OTOGL: variants seen among roughly 807,000 people sequenced by gnomAD.
The protein encoded by OTOGL is otogelin-like protein.
In OTOGL, 285 loss-of-function variants were observed where a neutral mutation model predicts 318.5. That is an observed-to-expected ratio of 0.89 (90% CI 0.81 to 0.99). The LOEUF (loss-of-function observed/expected upper bound fraction) is 0.99, where lower values mean the gene tolerates loss of function less well. Ranked by LOEUF, OTOGL falls within the 50% of genes least tolerant of loss-of-function variation. The pLI is 0.00. For missense variants in OTOGL, 2,899 were observed against 2,845.6 expected (o/e 1.02, Z -0.43); for synonymous variants, 987 against 936.5 (o/e 1.05, Z -0.99).
chr12:80,310,680 G>A lies in OTOGL; in HGVS notation c.3403G>A (p.Glu1135Lys). ...AAACAAATTTCCTTATGCCAAGAAA[G>A]AATGCTCCATTTTGTACAGTGATAT... ...HQNKFPYAKK[E>K]CSILYSDIFA... Residue 1135 changes from glutamate to lysine, a missense_variant, in exon 30 of 59, where the codon GAA (glutamate) becomes AAA (lysine). Glu to Lys is a moderately conservative substitution (Grantham distance 56). Around this residue, in one of 3 missense-constraint regions of OTOGL, gnomAD observed 2,607 missense variants for 2,524.9 expected, o/e 1.03. Transcript: ENST00000547103. The A allele has an allele frequency of 6.3e-7, 1 of 1,595,126 alleles. No homozygotes were observed. Among genetic ancestry groups the A allele is most frequent in the Non-Finnish European group, 8.5e-7 (1 of 1,175,862 alleles).
At chr12:80,213,240 GC>G in intron 4 of OTOGL, among the ~76,000 whole-genome samples, 1 of 152,212 alleles carries the variant, frequency 6.6e-6, no homozygotes, top group East Asian at 1.9e-4. Flanking sequence ...TGTTGCCAGG[GC>G]ATTTGTAAAC....
chr12:80,114,348 A>AT (rs566528710), intron 1 of OTOGL, among the ~76,000 whole-genome samples: 125 of 152,052 alleles, frequency 8.2e-4, no homozygotes, highest in African/African-American at 2.8e-3. Context: ...TCTGTAAAGG[A>AT]TTTTATTTCT....
At chr12:80,351,352 T>G (rs1335860605) in intron 44 of OTOGL, among the ~76,000 whole-genome samples, 2 of 152,124 alleles carry the variant, frequency 1.3e-5, no homozygotes, top group African/African-American at 4.8e-5. Context: ...AGTCTCACTC[T>G]GTTGCCAGGC....
chr12:80,118,836 G>A (rs1870318723), intron 1 of OTOGL, among the ~76,000 whole-genome samples: 1 of 149,612 alleles, frequency 6.7e-6, no homozygotes. Flanking sequence ...TAAAACTCTT[G>A]TCTTAAGAAA....
Position 80,337,081 on chromosome 12 carries a change from G to GA in OTOGL, c.4860+81dup, listed in dbSNP as rs554204011. 5.1e-4 allele frequency: 559 copies of GA among 1,103,774 alleles called. 8 individuals are homozygous for GA. The East Asian group carries it at 0.011, about 21-fold the overall frequency. 68.4% of individuals were successfully genotyped at this position (1,103,774 alleles called of 1,614,324 possible). A position where few individuals can be genotyped will look rare whatever the true frequency, so the allele number is the denominator to read the frequency against. On this transcript the variant is annotated intron_variant, in intron 42 of 58. Coordinates refer to ENST00000547103, the MANE Select transcript of OTOGL (RefSeq NM_001378609.3). The stretch of plus-strand genomic sequence containing the variant: ...ACAAACAGTTATTTCCAATAAGAGG[G>GA]AAAATTAAGCATATCAATGGAATTT...
intron 1 of OTOGL, among the ~76,000 whole-genome samples, chr12:80,141,604 C>T (rs1312471912): frequency 1.3e-5 from 2 of 152,032 alleles, no homozygotes; most frequent in South Asian, 2.1e-4. Flanking sequence ...TTTCATCAGC[C>T]CTTGCTGTAC....
rs192740868 is a variant in OTOGL, at chr12:80,321,338, G to A, written c.4081+638G>A. On this transcript the variant is annotated intron_variant, in intron 34 of 58. Coordinates refer to ENST00000547103, the MANE Select transcript of OTOGL (RefSeq NM_001378609.3). The stretch of plus-strand genomic sequence containing the variant: ...CTATCTTGAGTCTCCTCAAGAAATC[G>A]TTTCATCCTTGTGAACCCTCCTAAA... Among the ~76,000 whole-genome samples the A allele has an allele frequency of 4.5e-4, 68 of 152,142 alleles. 1 individual carries two copies. The South Asian group carries it at 7.7e-3, about 17-fold the overall frequency.
chr12:80,327,012 A>G (rs1294869517), intron 35 of OTOGL, among the ~76,000 whole-genome samples: 2 of 152,248 alleles, frequency 1.3e-5, no homozygotes, highest in Non-Finnish European at 2.9e-5. Context: ...TAAATATATT[A>G]TTTAAAACTG....
At chr12:80,373,173 G>C (rs1465108630) in intron 57 of OTOGL, among the ~76,000 whole-genome samples, 1 of 151,996 alleles carries the variant, frequency 6.6e-6, no homozygotes, top group Admixed American at 6.6e-5. Context: ...ATAATACCAT[G>C]CTGTAATCAC....
Position 80,219,897 on chromosome 12 carries a change from A to G in OTOGL, c.319A>G (p.Thr107Ala). 6.3e-7 allele frequency: 1 copy of G among 1,576,152 alleles called. No homozygotes were observed. The highest frequency in any genetic ancestry group is 8.6e-7 in the Non-Finnish European group (1 of 1,160,616). The change falls in exon 6 of 59, where the codon ACA (threonine) becomes GCA (alanine). Residue 107 changes from threonine to alanine, a missense_variant. Thr to Ala is a moderately conservative substitution (Grantham distance 58, BLOSUM62 0). Transcript: ENST00000547103. ...CDCQIFQALGTRCQIIPNMGN... is the reference protein window; with the variant it reads ...CDCQIFQALGARCQIIPNMGN... ...CTGTCAAATATTTCAGGCTCTTGGG[A>G]CAAGATGCCAGATCAGTAAGTTTCA...
At position 80,306,671 on chromosome 12, in the gene OTOGL, C is replaced by G. The variant is rs561999194; in HGVS notation, c.3333+976C>G. Reference sequence around the variant, plus strand: ...TCCACTATATTGAGAGAGACAAAATCCTTTTAACTGTGGCTATCTTACATC... The same window carrying G: ...TCCACTATATTGAGAGAGACAAAATGCTTTTAACTGTGGCTATCTTACATC... On this transcript the variant is annotated intron_variant, in intron 29 of 58. Coordinates refer to ENST00000547103, the MANE Select transcript of OTOGL (RefSeq NM_001378609.3). Among the ~76,000 whole-genome samples, 17 of 151,966 alleles carry G rather than the reference C, an allele frequency of 1.1e-4. No individual in the cohort carries two copies. The East Asian group carries it at 3.3e-3, about 29-fold the overall frequency.
At chr12:80,106,439 T>G (rs1207141866) in intron 1 of OTOGL, among the ~76,000 whole-genome samples, 1 of 152,216 alleles carries the variant, frequency 6.6e-6, no homozygotes, top group Non-Finnish European at 1.5e-5. Context: ...CTCCAGAGAT[T>G]GAATGTCCAC....
chr12:80,311,566 A>ACGTGTACCACCAAGCT (rs56905496), intron 30 of OTOGL, among the ~76,000 whole-genome samples: 1 of 151,868 alleles, frequency 6.6e-6, no homozygotes, highest in African/African-American at 2.4e-5. Flanking sequence ...GGGATTGTAG[A>ACGTGTACCACCAAGCT]CGGCAAATTT....
intron 52 of OTOGL, among the ~76,000 whole-genome samples, chr12:80,359,784 G>A (rs953927942): frequency 6.6e-6 from 1 of 152,070 alleles, no homozygotes; most frequent in East Asian, 1.9e-4. Context: ...TATTTTGTGT[G>A]TACACTGTAT....
intron 32 of OTOGL, among the ~76,000 whole-genome samples, chr12:80,316,541 C>A (rs957176006): frequency 6.6e-6 from 1 of 152,120 alleles, no homozygotes; most frequent in Non-Finnish European, 1.5e-5. Flanking sequence ...CAAACCTGTT[C>A]TTCTAGTTTC....
chr12:80,202,538 G>T (rs1876532219), intron 1 of OTOGL, among the ~76,000 whole-genome samples: 1 of 152,194 alleles, frequency 6.6e-6, no homozygotes, highest in African/African-American at 2.4e-5. Context: ...CTCCCAAAGT[G>T]CTGGGATTAC....
chr12:80,350,146 T>C (rs1206562130), intron 44 of OTOGL, among the ~76,000 whole-genome samples: 3 of 152,198 alleles, frequency 2.0e-5, no homozygotes, highest in African/African-American at 7.2e-5. Context: ...GTGAGTGAGA[T>C]CATGTAGTAT....
chr12:80,325,308 A>T (rs1887609767), intron 35 of OTOGL, among the ~76,000 whole-genome samples: 1 of 152,238 alleles, frequency 6.6e-6, no homozygotes, highest in Non-Finnish European at 1.5e-5. Context: ...TTGGAAGGAA[A>T]CAGAAACAAA....
intron 1 of OTOGL, among the ~76,000 whole-genome samples, chr12:80,117,789 T>C (rs2137092375): frequency 6.6e-6 from 1 of 152,320 alleles, no homozygotes; most frequent in Admixed American, 6.5e-5. Flanking sequence ...TTTCACAGGT[T>C]TCCTTGGATA....
Sources: allele counts gnomAD v4.1 joint callset (sites outside exome capture counted in the v4.1 genomes callset), GRCh38; gene constraint gnomAD v4.1.1; regional missense constraint gnomAD v4.1.1; transcripts MANE v1.5; gene names NCBI Gene and HGNC (gene_info 2026-07-23, HGNC 2026-07-21).